Variants in FBXW10B observed in about 807,000 individuals in gnomAD.
FBXW10B encodes F-box and WD repeat domain containing 10B.
chr17:15,612,511 C>T, the FBXW10B span: 39 of 383,792 alleles, frequency 1.0e-4, no homozygotes, highest in Admixed American at 6.5e-4. Flanking sequence ...GAGACTCCAT[C>T]TCATTTAAAA....
chr17:15,602,300 C>A, the FBXW10B span, among the ~76,000 whole-genome samples: 19 of 151,888 alleles, frequency 1.3e-4, no homozygotes, highest in African/African-American at 4.4e-4. Flanking sequence ...GGGAAATTTC[C>A]ATGTGATAAA....
At chr17:15,605,582 G>A in the FBXW10B span, 1 of 936,166 alleles carries the variant, frequency 1.1e-6, no homozygotes, top group Non-Finnish European at 1.3e-6. Flanking sequence ...GAATTAACAG[G>A]CTCTGAGGGA....
the FBXW10B span, chr17:15,593,232 C>G: frequency 6.3e-7 from 1 of 1,575,010 alleles, no homozygotes; most frequent in Non-Finnish European, 8.7e-7. Context: ...ATTGCACACT[C>G]TCTCCTCCTG....
chr17:15,566,416 T>TA, the FBXW10B span: 1 of 1,329,572 alleles, frequency 7.5e-7, no homozygotes, highest in Non-Finnish European at 9.9e-7. Flanking sequence ...ATTAAGTACG[T>TA]ATGCATTAAG....
chr17:15,615,321 CTTTTTT>C, the FBXW10B span, among the ~76,000 whole-genome samples: 1 of 88,732 alleles, frequency 1.1e-5, no homozygotes, highest in South Asian at 4.7e-4. Flanking sequence ...TATTGGCTTT[CTTTTTT>C]TTTTTTTTTT....
chr17:15,610,259 A>T, the FBXW10B span, among the ~76,000 whole-genome samples: 1 of 152,152 alleles, frequency 6.6e-6, no homozygotes, highest in Non-Finnish European at 1.5e-5. Flanking sequence ...CTGGGAGGGA[A>T]TTCTGACCGA....
the FBXW10B span, chr17:15,598,774 A>C: frequency 6.8e-7 from 1 of 1,466,448 alleles, no homozygotes; most frequent in Non-Finnish European, 9.1e-7. Context: ...TTCAGCTTAG[A>C]GTCAGGGGCC....
chr17:15,587,313 G>C, the FBXW10B span, among the ~76,000 whole-genome samples: 2 of 151,558 alleles, frequency 1.3e-5, no homozygotes, highest in Non-Finnish European at 2.9e-5. Flanking sequence ...CCTCAAGGCA[G>C]AATGTGCACT....
chr17:15,609,702 A>T, the FBXW10B span, among the ~76,000 whole-genome samples: 123 of 152,132 alleles, frequency 8.1e-4, no homozygotes, highest in African/African-American at 2.8e-3. Flanking sequence ...CACAGTTTAT[A>T]CTCATGCTAT....
chr17:15,600,891 A>AT, the FBXW10B span, among the ~76,000 whole-genome samples: 25 of 135,972 alleles, frequency 1.8e-4, no homozygotes, highest in African/African-American at 6.8e-4. Context: ...CTACTAAAAT[A>AT]CAAAAAAACA....
At chr17:15,588,605 C>T in the FBXW10B span, 21 of 434,250 alleles carry the variant, frequency 4.8e-5, no homozygotes, top group East Asian at 5.8e-4. Flanking sequence ...ACACTCTAAT[C>T]CTGACTCTCT....
the FBXW10B span, chr17:15,565,484 C>T: frequency 3.2e-6 from 5 of 1,564,502 alleles, no homozygotes; most frequent in Non-Finnish European, 3.5e-6. Flanking sequence ...TAGCAACATC[C>T]GCTTGGCTTT....
the FBXW10B span, among the ~76,000 whole-genome samples, chr17:15,618,563 A>T: frequency 2.0e-5 from 3 of 151,550 alleles, no homozygotes; most frequent in Non-Finnish European, 2.9e-5. Context: ...AATGAAAAAA[A>T]AAAAAAGCCC....
chr17:15,596,344 C>T, the FBXW10B span: 1 of 572,614 alleles, frequency 1.7e-6, no homozygotes, highest in South Asian at 7.7e-5. Flanking sequence ...CCCTACCCTC[C>T]ACGGACTCTG....
chr17:15,601,494 T>A, the FBXW10B span, among the ~76,000 whole-genome samples: 393 of 151,388 alleles, frequency 2.6e-3, no homozygotes, highest in African/African-American at 9.2e-3. Context: ...TTGGCAAGGA[T>A]GCCAGACACA....
chr17:15,579,356 A>G, the FBXW10B span, among the ~76,000 whole-genome samples: 1 of 152,178 alleles, frequency 6.6e-6, no homozygotes, highest in African/African-American at 2.4e-5. Flanking sequence ...TACATCAGTC[A>G]TCTGCCACTC....
chr17:15,617,863 C>T, the FBXW10B span, among the ~76,000 whole-genome samples: 2 of 152,184 alleles, frequency 1.3e-5, no homozygotes, highest in Admixed American at 1.3e-4. Context: ...ATTACTTAGC[C>T]TCAGGTATTC....
the FBXW10B span, among the ~76,000 whole-genome samples, chr17:15,602,236 A>C: frequency 6.6e-6 from 1 of 152,168 alleles, no homozygotes; most frequent in Non-Finnish European, 1.5e-5. Flanking sequence ...TTGATTAAAA[A>C]CAGAAAGACA....
the FBXW10B span, chr17:15,565,506 A>G: frequency 6.2e-7 from 1 of 1,607,756 alleles, no homozygotes; most frequent in Non-Finnish European, 8.5e-7. Context: ...TGTTTATTGT[A>G]AAACACTGTA....
Sources: allele counts gnomAD v4.1 joint callset (sites outside exome capture counted in the v4.1 genomes callset), GRCh38; gene constraint gnomAD v4.1.1; transcripts MANE v1.5; gene names NCBI Gene and HGNC (gene_info 2026-07-23, HGNC 2026-07-21).